Variants in ZCCHC14 observed in about 807,000 individuals in gnomAD.
ZCCHC14 encodes the protein zinc finger CCHC domain-containing protein 14.
ZCCHC14 carries 16 observed loss-of-function variants against 85.0 expected under a neutral mutation model. That is an observed-to-expected ratio of 0.19 (90% CI 0.13 to 0.29). ZCCHC14 has a LOEUF of 0.29. Among genes scored for constraint, ZCCHC14 ranks in the 10% least tolerant of loss-of-function variants. The probability of loss-of-function intolerance (pLI) is 1.00; values close to 1 mark genes in which losing one functional copy is unlikely to be tolerated. For synonymous variants in ZCCHC14, 775 were observed against 630.7 expected, an observed-to-expected ratio of 1.23 and a Z score of -3.43; for missense variants, 1,303 against 1,443.5, an observed-to-expected ratio of 0.90 and a Z score of 1.58.
chr16:87,459,900 G>A lies in ZCCHC14; in HGVS notation c.694+108C>T, dbSNP rs116511970. On this transcript the variant is annotated intron_variant, in intron 2 of 12. Transcript: ENST00000671377. The stretch of plus-strand genomic sequence containing the variant: ...AATTTAGAAAAATACACATAAGATT[G>A]GCATTTATGAAAGATCTGAAAGCAT... 4,807 of 1,491,930 alleles carry A rather than the reference G, an allele frequency of 3.2e-3. 111 individuals are homozygous for A. The African/African-American group carries it at 0.056, about 17-fold the overall frequency. The allele number at this position is 1,491,930 out of a possible 1,614,324, so 92.4% of individuals were successfully genotyped here. A position where few individuals can be genotyped will look rare whatever the true frequency, so the allele number is the denominator to read the frequency against.
At chr16:87,475,678 G>A (rs1197630492) in intron 1 of ZCCHC14, among the ~76,000 whole-genome samples, 1 of 151,592 alleles carries the variant, frequency 6.6e-6, no homozygotes. Context: ...TGAATCTGAA[G>A]ATGGATCAAT....
In ZCCHC14 at chr16:87,446,303, GC is replaced by G. The variant is rs1346333260; in HGVS notation, c.695-13103del. Reference sequence around the variant, plus strand: ...ATTTGAGACCAGCCTGGCCAACATGGCAAAACCTCGTCTCTACTAAAAATAC... The same window carrying G: ...ATTTGAGACCAGCCTGGCCAACATGGAAAACCTCGTCTCTACTAAAAATAC... On this transcript the variant is annotated intron_variant, in intron 2 of 12. Transcript: ENST00000671377. Among the ~76,000 whole-genome samples, 5 of 152,166 alleles carry G rather than the reference GC, an allele frequency of 3.3e-5. No individual in the cohort carries two copies. In the East Asian group the frequency reaches 5.8e-4, roughly 18 times the overall value.
intron 1 of ZCCHC14, among the ~76,000 whole-genome samples, chr16:87,467,819 T>C (rs953652355): frequency 6.6e-6 from 1 of 152,150 alleles, no homozygotes; most frequent in African/African-American, 2.4e-5. Flanking sequence ...GCCCGGCTAA[T>C]TTTTTGTATT....
At chr16:87,466,042 G>A (rs1911504148) in intron 1 of ZCCHC14, among the ~76,000 whole-genome samples, 1 of 152,174 alleles carries the variant, frequency 6.6e-6, no homozygotes, top group Admixed American at 6.5e-5. Context: ...TCCAGGCAAG[G>A]GTGAGGAGCT....
chr16:87,448,627 G>A (rs1910549776), intron 2 of ZCCHC14, among the ~76,000 whole-genome samples: 1 of 152,096 alleles, frequency 6.6e-6, no homozygotes, highest in Non-Finnish European at 1.5e-5. Flanking sequence ...TGAATGTTTT[G>A]CTCTGGTGGT....
rs1909060655 is a variant in ZCCHC14, at chr16:87,420,889, A to G, written c.841-173T>C. On this transcript the variant is annotated intron_variant, in intron 4 of 12. Transcript: ENST00000671377. This position sits in a 1 kb window ranked among gnomAD's most constrained non-coding sequence, Gnocchi z 5.0. ...GGGCCCACATCCACTTAGGGTGTAG[A>G]AAGTCACAAAAGAACATCGCTCTCA... is the stretch of plus-strand genomic sequence containing the variant. Among the ~76,000 whole-genome samples, 1 of 152,252 alleles carries G rather than the reference A, an allele frequency of 6.6e-6. No homozygotes were observed. The highest frequency in any genetic ancestry group is 6.5e-5 in the Admixed American group (1 of 15,290).
At position 87,491,987 on chromosome 16, in the gene ZCCHC14, G is replaced by A; in HGVS notation, c.252C>T (p.Arg84=). The change falls in exon 1 of 13, where the codon CGC becomes CGT. Residue 84 remains arginine (R), a synonymous_variant. Coordinates refer to ENST00000671377, the MANE Select transcript of ZCCHC14 (RefSeq NM_015144.3). The surrounding 1 kb of genome is among the most constrained non-coding windows in gnomAD (Gnocchi z 5.9). ...GCGCCAGCGACACCAGCAGCTTGCTGCGCACCACCTCGTCCGTCAGGTTGG... is the reference window on the plus strand; with the variant it reads ...GCGCCAGCGACACCAGCAGCTTGCTACGCACCACCTCGTCCGTCAGGTTGG... ...SLTNLTDEVV[R]SKLLVSLALL... is the part of the protein sequence containing the mutation. The A allele has an allele frequency of 1.4e-6, 2 of 1,398,438 alleles. No individual in the cohort carries two copies. The highest frequency in any genetic ancestry group is 1.9e-6 in the Non-Finnish European group (2 of 1,080,200). 86.6% of individuals were successfully genotyped at this position (1,398,438 alleles called of 1,614,324 possible). A position where few individuals can be genotyped will look rare whatever the true frequency, so the allele number is the denominator to read the frequency against.
intron 2 of ZCCHC14, among the ~76,000 whole-genome samples, chr16:87,437,683 G>A (rs767235202): frequency 3.3e-5 from 5 of 152,242 alleles, no homozygotes; most frequent in African/African-American, 4.8e-5. Flanking sequence ...ATGTTTGTCT[G>A]TTCAAACCTT....
chr16:87,430,871 C>T (rs552387850), intron 3 of ZCCHC14, among the ~76,000 whole-genome samples: 271 of 152,244 alleles, frequency 1.8e-3, no homozygotes, highest in African/African-American at 6.1e-3. Context: ...TGGCCAGGTG[C>T]ACTCATGCCT....
chr16:87,487,937 C>G (rs577966503), intron 1 of ZCCHC14, among the ~76,000 whole-genome samples: 1 of 149,446 alleles, frequency 6.7e-6, no homozygotes, highest in African/African-American at 2.5e-5. Flanking sequence ...AAAAGACACC[C>G]ATAGAGACAA....
In ZCCHC14 at chr16:87,413,280, C is replaced by G. The variant is rs1180779142; in HGVS notation, c.1604-85G>C. On this transcript the variant is annotated intron_variant, in intron 10 of 12. Transcript: ENST00000671377. The stretch of plus-strand genomic sequence containing the variant: ...CCGTGCCCCTGCATCGCACTGTCGG[C>G]AGGTGCTCCTTCCAGGGAAACGCAG... 2.8e-6 allele frequency: 4 copies of G among 1,436,498 alleles called. No individual in the cohort carries two copies. In the Admixed American group the frequency reaches 1.1e-4, roughly 41 times the overall value. The allele number at this position is 1,436,498 out of a possible 1,614,324, so 89.0% of individuals were successfully genotyped here.
chr16:87,418,882 A>C lies in ZCCHC14; in HGVS notation c.1065T>G (p.Leu355=). The part of the protein sequence containing the change: ...LQSPSPGNPS[L]SKVGTVMGVS... ...CGCCCATCACGGTACCTACTTTAGA[A>C]AGGGAGGGATTGCCAGGACCTATAA... The change falls in exon 7 of 13, where the codon CTT becomes CTG. Residue 355 remains leucine (L), a synonymous_variant. Transcript: ENST00000671377. 1.2e-6 allele frequency: 2 copies of C among 1,613,236 alleles called. No individual in the cohort carries two copies. The highest frequency in any genetic ancestry group is 1.7e-6 in the Non-Finnish European group (2 of 1,179,384).
In ZCCHC14 at chr16:87,477,908, C is replaced by G. The variant is rs1912096099; in HGVS notation, c.570+13761G>C. On this transcript the variant is annotated intron_variant, in intron 1 of 12. Coordinates refer to ENST00000671377, the MANE Select transcript of ZCCHC14 (RefSeq NM_015144.3). ...CACGCCCCCACCGCATCCCCCTGAA[C>G]CTGCTGCCCCTCACCGCACACACCT... Among the ~76,000 whole-genome samples the G allele has an allele frequency of 2.0e-5, 3 of 150,678 alleles. No homozygotes were observed. The South Asian group carries it at 6.3e-4, about 32-fold the overall frequency.
At chr16:87,415,063 G>A (rs1195791761) in intron 9 of ZCCHC14, among the ~76,000 whole-genome samples, 1 of 152,138 alleles carries the variant, frequency 6.6e-6, no homozygotes, top group Non-Finnish European at 1.5e-5. Context: ...GCCTGGGCAC[G>A]ACAGAGCGAG....
In ZCCHC14 at chr16:87,413,068, C is replaced by T. The variant is rs1342254662; in HGVS notation, c.1731G>A (p.Glu577=). ...ACGTGCCCTTACGTCTGTCATTCTC[C>T]TCAGCGCTGTCGGAGCTCTCTTCCC... ...QAREESSDSA[E]ENDRRVEIHL... Residue 577 remains glutamate (E), a synonymous_variant, in exon 11 of 13, where the codon GAG becomes GAA. Transcript: ENST00000671377. The T allele has an allele frequency of 1.2e-6, 2 of 1,614,066 alleles. No homozygotes were observed. Among genetic ancestry groups the T allele is most frequent in the Non-Finnish European group, 1.7e-6 (2 of 1,180,036 alleles).
At chr16:87,445,765 A>G (rs1387566327) in intron 2 of ZCCHC14, among the ~76,000 whole-genome samples, 4 of 152,246 alleles carry the variant, frequency 2.6e-5, no homozygotes, top group Non-Finnish European at 5.9e-5. Flanking sequence ...ACCACAGCAT[A>G]TCACAAACAT....
intron 1 of ZCCHC14, chr16:87,467,701 G>A (rs1049517460): frequency 5.6e-6 from 4 of 715,606 alleles, no homozygotes; most frequent in Non-Finnish European, 7.5e-6. Flanking sequence ...GCCCAGGCTG[G>A]AGTGCAGTGG....
At chr16:87,465,971 G>A (rs1911500735) in intron 1 of ZCCHC14, among the ~76,000 whole-genome samples, 1 of 152,076 alleles carries the variant, frequency 6.6e-6, no homozygotes, top group South Asian at 2.1e-4. Context: ...CGTCCCTTTA[G>A]ATGGGATGGA....
At chr16:87,470,019 C>T (rs908600799) in intron 1 of ZCCHC14, among the ~76,000 whole-genome samples, 5 of 152,140 alleles carry the variant, frequency 3.3e-5, no homozygotes, top group African/African-American at 7.2e-5. Flanking sequence ...GCAGGAGGAT[C>T]GCTTGAGCCC....
Sources: gnomAD v4.1 joint callset for allele counts (sites outside exome capture counted in the v4.1 genomes callset) on GRCh38, gnomAD v4.1.1 for gene constraint, Gnocchi (gnomAD v3.1) non-coding constraint, MANE v1.5 for transcripts, NCBI Gene and HGNC (gene_info 2026-07-23, HGNC 2026-07-21) for gene names.